GPD1L: variants seen among roughly 807,000 people sequenced by gnomAD.
GPD1L encodes the protein glycerol-3-phosphate dehydrogenase 1 like.
Under a neutral mutation model 32.9 loss-of-function variants are expected in GPD1L, and 17 were observed. That is an observed-to-expected ratio of 0.52 (90% CI 0.35 to 0.78). GPD1L has a LOEUF of 0.78. Among genes scored for constraint, GPD1L ranks in the 30% least tolerant of loss-of-function variants. GPD1L has a pLI of 0.01. For synonymous variants in GPD1L, 187 were observed against 165.9 expected (o/e 1.13, Z -0.98); for missense variants, 361 against 447.8 (o/e 0.81, Z 1.75).
chr3:32,142,582 G>A (rs188471688), intron 4 of GPD1L, among the ~76,000 whole-genome samples: 95 of 152,206 alleles, frequency 6.2e-4, no homozygotes, highest in African/African-American at 2.2e-3. Flanking sequence ...CTGTGAAATT[G>A]TTATGTAATT....
chr3:32,156,344 G>A (rs139140042), intron 5 of GPD1L, among the ~76,000 whole-genome samples: 25 of 152,304 alleles, frequency 1.6e-4, no homozygotes, highest in African/African-American at 6.0e-4. Flanking sequence ...CAGTTCCTAG[G>A]ACCAATTCCT....
chr3:32,112,584 C>A (rs1413990275), intron 1 of GPD1L, among the ~76,000 whole-genome samples: 1 of 152,144 alleles, frequency 6.6e-6, no homozygotes, highest in Non-Finnish European at 1.5e-5. Context: ...TTGCAGTGAG[C>A]CAAGATGGCA....
chr3:32,140,244 C>A lies in GPD1L; in HGVS notation c.383C>A (p.Pro128His). ...ITLIKGIDEG[P>H]EGLKLISDII... ...TCCTTGTAGGGCATAGACGAGGGCC[C>A]CGAGGGGCTGAAGCTCATTTCTGAC... Residue 128 changes from proline (P) to histidine (H), a missense_variant, in exon 4 of 8, where the codon CCC becomes CAC. Transcript: ENST00000282541. 1 of 1,614,008 alleles carries A rather than the reference C, an allele frequency of 6.2e-7. No individual in the cohort carries two copies. Among genetic ancestry groups the A allele is most frequent in the Non-Finnish European group, 8.5e-7 (1 of 1,179,982 alleles).
At chr3:32,118,840 A>C (rs1700368011) in intron 1 of GPD1L, among the ~76,000 whole-genome samples, 1 of 152,274 alleles carries the variant, frequency 6.6e-6, no homozygotes, top group Non-Finnish European at 1.5e-5. Context: ...TGACTACTCT[A>C]AGTACCTCAT....
rs751812984 is a variant in GPD1L, at chr3:32,159,585, G to T, written c.870G>T (p.Glu290Asp). 108 of 1,605,018 alleles carry T rather than the reference G, an allele frequency of 6.7e-5. 1 individual carries two copies. The highest frequency in any genetic ancestry group is 8.9e-5 in the Non-Finnish European group (104 of 1,172,202). The change falls in exon 7 of 8, where the codon GAG becomes GAT. Residue 290 changes from glutamate to aspartate, a missense_variant. By Grantham distance (45) the Glu-to-Asp change is conservative. Transcript: ENST00000282541. ...TTTTTAAGACCATTGAAGAGTTGGA[G>T]AAGGAGATGCTGAATGGGCAAAAGC... ...ARTGKTIEEL[E>D]KEMLNGQKLQ...
At chr3:32,156,892 C>T (rs919071970) in intron 5 of GPD1L, among the ~76,000 whole-genome samples, 2 of 152,134 alleles carry the variant, frequency 1.3e-5, no homozygotes, top group Non-Finnish European at 2.9e-5. Context: ...CTTATTTTAA[C>T]TCATTTCCCA....
chr3:32,132,170 A>G (rs778315615), intron 2 of GPD1L, among the ~76,000 whole-genome samples: 2 of 152,134 alleles, frequency 1.3e-5, no homozygotes, highest in African/African-American at 2.4e-5. Context: ...GCTTGATGGT[A>G]TCCTTTGAAG....
intron 5 of GPD1L, among the ~76,000 whole-genome samples, chr3:32,152,904 G>T (rs2125494477): frequency 6.6e-6 from 1 of 151,996 alleles, no homozygotes; most frequent in South Asian, 2.1e-4. Flanking sequence ...GAAGGTTCTG[G>T]AAAATCAACC....
intron 2 of GPD1L, among the ~76,000 whole-genome samples, chr3:32,135,543 C>A (rs1700650108): frequency 6.6e-6 from 1 of 152,158 alleles, no homozygotes; most frequent in African/African-American, 2.4e-5. Flanking sequence ...ACCTCCCCAT[C>A]CCAGGTTCAA....
At position 32,159,771 on chromosome 3, in the gene GPD1L, G is replaced by A; in HGVS notation, c.959+97G>A. 7 of 792,078 alleles carry A rather than the reference G, an allele frequency of 8.8e-6. No homozygotes were observed. In the South Asian group the frequency reaches 1.0e-4, roughly 11 times the overall value. 49.1% of individuals were successfully genotyped at this position (792,078 alleles called of 1,614,324 possible). ...GGAGATGAGCTAGACTATTTGACAA[G>A]TGCCCTTAGAACTTATCTGGATTAG... is the stretch of plus-strand genomic sequence containing the variant. On this transcript the variant is annotated intron_variant, in intron 7 of 7. Transcript: ENST00000282541.
At chr3:32,154,052 C>T (rs983161336) in intron 5 of GPD1L, among the ~76,000 whole-genome samples, 2 of 152,064 alleles carry the variant, frequency 1.3e-5, no homozygotes, top group Non-Finnish European at 2.9e-5. Context: ...GACATCTGCT[C>T]GGATGCTGTT....
chr3:32,123,707 CAGATAGAT>C (rs112316528), intron 1 of GPD1L, among the ~76,000 whole-genome samples: 3 of 151,610 alleles, frequency 2.0e-5, no homozygotes, highest in Non-Finnish European at 4.4e-5. Context: ...GACAGACAGA[CAGATAGAT>C]AGATAGATAG....
chr3:32,127,133 G>A (rs1451517), intron 1 of GPD1L, among the ~76,000 whole-genome samples: 6,502 of 152,102 alleles, frequency 0.043, 482 homozygotes, highest in African/African-American at 0.15. Context: ...GCCTTTTGTT[G>A]TCACCCCCTA....
In GPD1L at chr3:32,118,718, A is replaced by G. The variant is rs148333491; in HGVS notation, c.48-9358A>G. 5.7e-3 allele frequency among the ~76,000 whole-genome samples: 863 copies of G among 152,274 alleles called. 8 individuals carry two copies. The highest frequency in any genetic ancestry group is 0.02 in the African/African-American group (825 of 41,548). ...TATTGAAAAGAATTAGATCTCCAGAATTCTTTTCATCTTGCAAATCTGAAA... is the reference window on the plus strand; with the variant it reads ...TATTGAAAAGAATTAGATCTCCAGAGTTCTTTTCATCTTGCAAATCTGAAA... On this transcript the variant is annotated intron_variant, in intron 1 of 7. Coordinates refer to ENST00000282541, the MANE Select transcript of GPD1L (RefSeq NM_015141.4).
chr3:32,156,643 C>T (rs949787656), intron 5 of GPD1L, among the ~76,000 whole-genome samples: 4 of 151,968 alleles, frequency 2.6e-5, no homozygotes, highest in Admixed American at 1.3e-4. Flanking sequence ...AGTATCTTTG[C>T]GCCTCGGTCT....
intron 7 of GPD1L, among the ~76,000 whole-genome samples, chr3:32,165,145 G>T (rs563869065): frequency 5.9e-5 from 9 of 152,220 alleles, no homozygotes; most frequent in Non-Finnish European, 1.2e-4. Context: ...GGCAGAGGTT[G>T]CAGTGAGACA....
At chr3:32,118,307 A>G (rs191210010) in intron 1 of GPD1L, among the ~76,000 whole-genome samples, 1 of 152,378 alleles carries the variant, frequency 6.6e-6, no homozygotes, top group African/African-American at 2.4e-5. Flanking sequence ...CTTACCAACA[A>G]GAAAGGATGT....
chr3:32,165,510 A>G (rs1575124900), intron 7 of GPD1L, among the ~76,000 whole-genome samples: 1 of 152,130 alleles, frequency 6.6e-6, no homozygotes, highest in East Asian at 1.9e-4. Context: ...TTTGACCAAG[A>G]GTTGGAGCCA....
At chr3:32,108,880 C>T (rs1700204267) in intron 1 of GPD1L, among the ~76,000 whole-genome samples, 1 of 152,144 alleles carries the variant, frequency 6.6e-6, no homozygotes, top group Non-Finnish European at 1.5e-5. Flanking sequence ...GACGGAGTCT[C>T]CCTCTGTCGC....
Sources: allele counts gnomAD v4.1 joint callset (sites outside exome capture counted in the v4.1 genomes callset), GRCh38; gene constraint gnomAD v4.1.1; transcripts MANE v1.5; gene names NCBI Gene and HGNC (gene_info 2026-07-23, HGNC 2026-07-21).